The following SALL3 variants were observed in gnomAD, a reference collection of about 807,000 sequenced individuals.
SALL3 encodes spalt like transcription factor 3.
In SALL3, 25 loss-of-function variants were observed where a neutral mutation model predicts 66.2. That is an observed-to-expected ratio of 0.38 (90% CI 0.28 to 0.53). The LOEUF is 0.53. Among genes scored for constraint, SALL3 ranks in the 20% least tolerant of loss-of-function variants. The pLI, the probability that SALL3 is intolerant of heterozygous loss-of-function variation, is 0.85. For synonymous variants in SALL3, 1,152 were observed against 899.1 expected (o/e 1.28, Z -5.03); for missense variants, 2,194 against 1,916.5 (o/e 1.14, Z -2.70).
rs1323555308 is a variant in SALL3 at position 78,991,015 on chromosome 18, A to C, written c.83-1059A>C. On this transcript the variant is annotated intron_variant, in intron 1 of 2. Coordinates refer to ENST00000537592, the MANE Select transcript of SALL3 (RefSeq NM_171999.4). ...GGGGAGACGGAGGAAGTGGCTGCCT[A>C]CAACAGTAATTAAACATGTGTAACC... is the stretch of plus-strand genomic sequence containing the variant. Among the ~76,000 whole-genome samples the C allele has an allele frequency of 2.6e-5, 4 of 152,228 alleles. No homozygotes were observed. In the East Asian group the frequency reaches 7.7e-4, roughly 29 times the overall value.
intron 1 of SALL3, among the ~76,000 whole-genome samples, chr18:78,988,109 A>C (rs1914308501): frequency 6.6e-6 from 1 of 152,226 alleles, no homozygotes; most frequent in South Asian, 2.1e-4. Context: ...ATATTAATTA[A>C]TGTAATAACT....
Position 78,994,678 on chromosome 18 carries a change from T to A in SALL3, c.2687T>A (p.Leu896Gln), listed in dbSNP as rs1568296462. The change falls in exon 2 of 3, where the codon CTG (leucine) becomes CAG (glutamine). Residue 896 changes from leucine (L) to glutamine (Q), a missense_variant. By Grantham distance (113) the Leu-to-Gln change is moderately radical (BLOSUM62 -2). Coordinates refer to ENST00000537592, the MANE Select transcript of SALL3 (RefSeq NM_171999.4). ...LESRSAGSPA[L>Q]SESSSSQALS... ...AGCCGCAGCGCGGGCAGCCCCGCCC[T>A]GTCCGAGTCCTCGTCCTCGCAGGCC... 30 of 1,608,744 alleles carry A rather than the reference T, an allele frequency of 1.9e-5. No individual in the cohort carries two copies. The highest frequency in any genetic ancestry group is 2.5e-5 in the Non-Finnish European group (30 of 1,179,536).
chr18:78,993,466 C>G lies in SALL3; in HGVS notation c.1475C>G (p.Pro492Arg). The G allele has an allele frequency of 6.2e-7, 1 of 1,612,828 alleles. No individual in the cohort carries two copies. The highest frequency in any genetic ancestry group is 1.1e-5 in the South Asian group (1 of 91,054). Residue 492 changes from proline to arginine, a missense_variant, in exon 2 of 3, where the codon CCC (proline) becomes CGC (arginine). By Grantham distance (103) the Pro-to-Arg change is moderately radical. Coordinates refer to ENST00000537592, the MANE Select transcript of SALL3 (RefSeq NM_171999.4). Reference protein sequence around the residue: ...YPVPEYLDNVPTCSGIPYGMS... With the variant: ...YPVPEYLDNVRTCSGIPYGMS... ...GTCCCCGAGTACCTGGACAACGTGC[C>G]CACCTGCTCGGGCATCCCCTACGGC...
rs1914487061 is a variant in SALL3, at chr18:78,992,619, A to G, written c.628A>G (p.Met210Val). The change falls in exon 2 of 3, where the codon ATG becomes GTG. Residue 210 changes from methionine to valine, a missense_variant. Physicochemically the swap from Met to Val is conservative, Grantham distance 21 (BLOSUM62 1). Coordinates refer to ENST00000537592, the MANE Select transcript of SALL3 (RefSeq NM_171999.4). ...AAVPLILEQLMALQQQQIHQL... is the reference protein window; with the variant it reads ...AAVPLILEQLVALQQQQIHQL... ...CGTGCCCCTGATCCTGGAACAGCTC[A>G]TGGCCCTGCAGCAGCAGCAGATCCA... 6.4e-7 allele frequency: 1 copy of G among 1,552,176 alleles called. No individual in the cohort carries two copies. The highest frequency in any genetic ancestry group is 8.6e-7 in the Non-Finnish European group (1 of 1,156,290).
chr18:78,982,709 TAAATG>T (rs1914114398), intron 1 of SALL3, among the ~76,000 whole-genome samples: 1 of 152,178 alleles, frequency 6.6e-6, no homozygotes. Flanking sequence ...TTAATTTTGT[TAAATG>T]CAATGGAAAT....
Position 78,992,564 on chromosome 18 carries a change from G to T in SALL3, c.573G>T (p.Ser191=), listed in dbSNP as rs559303757. 1 of 1,503,660 alleles carries T rather than the reference G, an allele frequency of 6.7e-7. No homozygotes were observed. Among genetic ancestry groups the T allele is most frequent in the East Asian group, 2.7e-5 (1 of 36,638 alleles). The allele number at this position is 1,503,660 out of a possible 1,614,324, so 93.1% of individuals were successfully genotyped here. ...AGGGCGCGCGCGCGGCAGGCGGCTC[G>T]GGAGCAGGTGGAGGCGTGGCAGCTG... ...FSQGARAAGG[S]GAGGGVAAAA... is the part of the protein sequence containing the mutation. The change falls in exon 2 of 3, where the codon TCG becomes TCT. Residue 191 remains serine, a synonymous_variant. Transcript: ENST00000537592.
rs1914571874 is a variant in SALL3 at position 78,993,841 on chromosome 18, C to T, written c.1850C>T (p.Ala617Val). The part of the protein sequence containing the change: ...RAGDAPVGAQ[A>V]SAAPTSVDGA... ...GGGGACGCTCCCGTGGGCGCGCAGG[C>T]TAGCGCTGCACCCACATCGGTGGAC... The change falls in exon 2 of 3, where the codon GCT becomes GTT. Residue 617 changes from alanine to valine, a missense_variant. Transcript: ENST00000537592. 1 of 1,560,102 alleles carries T rather than the reference C, an allele frequency of 6.4e-7. No individual in the cohort carries two copies. The highest frequency in any genetic ancestry group is 8.7e-7 in the Non-Finnish European group (1 of 1,154,930).
Position 78,992,746 on chromosome 18 carries a change from GC to G in SALL3, c.758del (p.Pro253ArgfsTer142). ...CCCGCGGCCGCCCCGAGCGCACCGG[GC>G]CCGGCCCCCAGCCAGCTGCCCGGGC... ...LSPAAAPSAP[G>X]PAPSQLPGLA... On this transcript the variant is annotated frameshift_variant, in exon 2 of 3. Coordinates refer to ENST00000537592, the MANE Select transcript of SALL3 (RefSeq NM_171999.4). LOFTEE classifies it high-confidence loss of function. 1.7e-6 allele frequency: 2 copies of G among 1,178,270 alleles called. No homozygotes were observed. Among genetic ancestry groups the G allele is most frequent in the South Asian group, 2.7e-5 (1 of 36,964 alleles). The allele number at this position is 1,178,270 out of a possible 1,614,324, so 73.0% of individuals were successfully genotyped here.
Position 78,994,218 on chromosome 18 carries a change from A to G in SALL3, c.2227A>G (p.Ile743Val), listed in dbSNP as rs1455970927. ...CCTGCGCGTGCAGCACTCCTGCCCCATCTGCCAGAAGAAGTTCACCAACGC... is the reference window on the plus strand; with the variant it reads ...CCTGCGCGTGCAGCACTCCTGCCCCGTCTGCCAGAAGAAGTTCACCAACGC... ...PPLRVQHSCP[I>V]CQKKFTNAVV... Residue 743 changes from isoleucine to valine, a missense_variant, in exon 2 of 3, where the codon ATC becomes GTC. Ile to Val is a conservative substitution (Grantham distance 29). Transcript: ENST00000537592. The G allele has an allele frequency of 1.9e-6, 3 of 1,613,620 alleles. No homozygotes were observed. Among genetic ancestry groups the G allele is most frequent in the Non-Finnish European group, 2.5e-6 (3 of 1,179,986 alleles).
At position 78,980,372 on chromosome 18, in the gene SALL3, G is replaced by T; in HGVS notation, c.82+16G>T. Reference sequence around the variant, plus strand: ...CCCGAGCACGGTGAGGGCCGGGGCTGCGGGGTGGCCGGGGGGTCTGGGGCT... The same window carrying T: ...CCCGAGCACGGTGAGGGCCGGGGCTTCGGGGTGGCCGGGGGGTCTGGGGCT... On this transcript the variant is annotated intron_variant, in intron 1 of 2. Transcript: ENST00000537592. 1 of 1,400,652 alleles carries T rather than the reference G, an allele frequency of 7.1e-7. No homozygotes were observed. Among genetic ancestry groups the T allele is most frequent in the Non-Finnish European group, 9.4e-7 (1 of 1,068,040 alleles). The allele number at this position is 1,400,652 out of a possible 1,614,324, so 86.8% of individuals were successfully genotyped here. A position where few individuals can be genotyped will look rare whatever the true frequency, so the allele number is the denominator to read the frequency against.
intron 1 of SALL3, among the ~76,000 whole-genome samples, chr18:78,990,333 C>T (rs1331135993): frequency 6.6e-6 from 1 of 152,164 alleles, no homozygotes; most frequent in East Asian, 1.9e-4. Context: ...TTATGGGCTG[C>T]AAGCTCTAAC....
chr18:78,995,771 C>T (rs1468749186), intron 2 of SALL3, among the ~76,000 whole-genome samples: 4 of 151,908 alleles, frequency 2.6e-5, no homozygotes, highest in Non-Finnish European at 5.9e-5. Flanking sequence ...TTATAACGTG[C>T]GTGTGCAAAT....
chr18:78,987,940 A>G (rs1025137165), intron 1 of SALL3, among the ~76,000 whole-genome samples: 16 of 152,222 alleles, frequency 1.1e-4, no homozygotes, highest in African/African-American at 3.6e-4. Flanking sequence ...GACATTAATG[A>G]TAATGTTTGC....
intron 1 of SALL3, chr18:78,984,949 T>TA (rs1238253202): frequency 6.6e-6 from 1 of 152,258 alleles, no homozygotes; most frequent in African/African-American, 2.4e-5. Flanking sequence ...CTAAAATCCC[T>TA]ACCCCCTTCG....
At chr18:78,991,591 G>C (rs939531972) in intron 1 of SALL3, 2 of 157,368 alleles carry the variant, frequency 1.3e-5, no homozygotes, top group African/African-American at 4.8e-5. Flanking sequence ...GTAAAGATGA[G>C]AAATCCGCGT....
intron 1 of SALL3, among the ~76,000 whole-genome samples, chr18:78,982,014 A>G (rs1568288115): frequency 1.3e-5 from 2 of 152,220 alleles, no homozygotes. Flanking sequence ...AATACTTCTC[A>G]GCTTTGTAGG....
At chr18:78,988,654 A>T (rs569005074) in intron 1 of SALL3, among the ~76,000 whole-genome samples, 9 of 152,230 alleles carry the variant, frequency 5.9e-5, no homozygotes, top group Admixed American at 3.3e-4. Context: ...TATTTCTTTT[A>T]TTCGGGGCTA....
chr18:78,996,855 G>A (rs1186005348), intron 2 of SALL3, 36 bp from the exon 3 acceptor site: 1 of 1,562,488 alleles, frequency 6.4e-7, no homozygotes, highest in South Asian at 1.2e-5. Context: ...CCGTGTCTAG[G>A]CACTTACTCG....
rs201571077 is a variant in SALL3 at position 78,994,490 on chromosome 18, G to A, written c.2499G>A (p.Pro833=). Residue 833 remains proline (P), a synonymous_variant, in exon 2 of 3, where the codon CCG becomes CCA. Transcript: ENST00000537592. ...ACGCGGGGTCCTGCCCGCCCTCCCC[G>A]CCCTCGGTCATCTCCAGCATTGCCG... ...LSYAGSCPPS[P]PSVISSIAAL... 1.2e-4 allele frequency: 86 copies of A among 689,126 alleles called. No homozygotes were observed. Among genetic ancestry groups the A allele is most frequent in the Middle Eastern group, 2.6e-4 (1 of 3,782 alleles). The allele number at this position is 689,126 out of a possible 1,614,324, so 42.7% of individuals were successfully genotyped here. A position where few individuals can be genotyped will look rare whatever the true frequency, so the allele number is the denominator to read the frequency against.
Sources: gnomAD v4.1 joint callset for allele counts (sites outside exome capture counted in the v4.1 genomes callset) on GRCh38, gnomAD v4.1.1 for gene constraint, MANE v1.5 for transcripts, NCBI Gene and HGNC (gene_info 2026-07-23, HGNC 2026-07-21) for gene names.